The following SQSTM1 variants were observed in gnomAD, a reference collection of about 807,000 sequenced individuals.
SQSTM1 encodes the protein sequestosome 1.
Under a neutral mutation model 45.1 loss-of-function variants are expected in SQSTM1, and 36 were observed. The observed-to-expected ratio is 0.80, with a 90% CI of 0.61 to 1.05. The LOEUF is 1.05. Among genes scored for constraint, SQSTM1 ranks in the 50% least tolerant of loss-of-function variants. The pLI is 0.00. For synonymous variants in SQSTM1, 290 were observed against 244.3 expected (o/e 1.19, Z -1.74); for missense variants, 617 against 607.1 (o/e 1.02, Z -0.17).
At chr5:179,824,590 C>T (rs1391490755) in intron 4 of SQSTM1, among the ~76,000 whole-genome samples, 1 of 152,172 alleles carries the variant, frequency 6.6e-6, no homozygotes, top group African/African-American at 2.4e-5. Context: ...TCAAGGTACC[C>T]TGAGGTGCAG....
At chr5:179,823,704 C>G (rs1757877225) in intron 2 of SQSTM1, 154 bp from the exon 3 acceptor site, 2 of 772,604 alleles carry the variant, frequency 2.6e-6, no homozygotes, top group Non-Finnish European at 4.2e-6. Flanking sequence ...CTTGGTGGCT[C>G]TGCTGCCCTC....
At chr5:179,811,280 T>A (rs1331198350) in intron 1 of SQSTM1, among the ~76,000 whole-genome samples, 1 of 147,384 alleles carries the variant, frequency 6.8e-6, no homozygotes, top group Non-Finnish European at 1.5e-5. Flanking sequence ...GCCTAAGCAC[T>A]GGAAGAACTG....
chr5:179,828,467 G>A (rs1758091441), intron 5 of SQSTM1, among the ~76,000 whole-genome samples: 2 of 145,634 alleles, frequency 1.4e-5, no homozygotes, highest in African/African-American at 2.6e-5. Context: ...TCTGCCTCCC[G>A]GGTTCAAGCG....
chr5:179,810,063 C>T (rs773008343), intron 1 of SQSTM1, among the ~76,000 whole-genome samples: 39 of 152,118 alleles, frequency 2.6e-4, no homozygotes, highest in Admixed American at 3.9e-4. Flanking sequence ...GGATTACAGG[C>T]GTGAGCCAAC....
rs1202152193 is a variant in SQSTM1 at position 179,825,248 on chromosome 5, G to C, written c.754+22G>C. ...CTGGGTGAGTGCACCTCCTTGCCCA[G>C]TGCTTCCCTAACTCAGCCTGCACTT... On this transcript the variant is annotated intron_variant, in intron 5 of 7. Coordinates refer to ENST00000389805, the MANE Select transcript of SQSTM1 (RefSeq NM_003900.5). 4 of 1,601,716 alleles carry C rather than the reference G, an allele frequency of 2.5e-6. No individual in the cohort carries two copies. The South Asian group carries it at 4.4e-5, about 18-fold the overall frequency.
chr5:179,821,085 G>C lies in SQSTM1; in HGVS notation c.149G>C (p.Arg50Pro). 6.8e-7 allele frequency: 1 copy of C among 1,468,284 alleles called. No homozygotes were observed. The highest frequency in any genetic ancestry group is 9.0e-7 in the Non-Finnish European group (1 of 1,112,534). The allele number at this position is 1,468,284 out of a possible 1,614,324, so 91.0% of individuals were successfully genotyped here. Residue 50 changes from arginine to proline, a missense_variant, in exon 1 of 8, where the codon CGG becomes CCG. Coordinates refer to ENST00000389805, the MANE Select transcript of SQSTM1 (RefSeq NM_003900.5). Reference sequence around the variant, plus strand: ...GGACCCTGCGAGCGGCTGCTGAGCCGGGTGGCCGCCCTGTTCCCCGCGCTG... The same window carrying C: ...GGACCCTGCGAGCGGCTGCTGAGCCCGGTGGCCGCCCTGTTCCCCGCGCTG... ...GPGPCERLLS[R>P]VAALFPALRP...
chr5:179,830,060 G>T (rs557008826), intron 5 of SQSTM1, among the ~76,000 whole-genome samples: 2 of 152,286 alleles, frequency 1.3e-5, no homozygotes, highest in East Asian at 3.9e-4. Context: ...AACGAGCCTG[G>T]ATTGTACCAC....
At chr5:179,816,463 G>A (rs1334032891), upstream of SQSTM1, among the ~76,000 whole-genome samples, 3 of 152,164 alleles carry the variant, frequency 2.0e-5, no homozygotes, top group Admixed American at 1.3e-4. Flanking sequence ...GAAGGTTTTC[G>A]ATGGCAGCAG....
chr5:179,828,353 CT>C (rs71001051), intron 5 of SQSTM1, among the ~76,000 whole-genome samples: 7,441 of 138,130 alleles, frequency 0.054, 237 homozygotes, highest in Middle Eastern at 0.12. Context: ...TTGTTTCAAC[CT>C]TTTTTTTTTC....
chr5:179,820,334 G>A (rs1226289968), upstream of SQSTM1: 2 of 152,444 alleles, frequency 1.3e-5, no homozygotes, highest in East Asian at 3.9e-4. Context: ...GCCAGAGTCG[G>A]GGTCCGTCAC....
At chr5:179,819,511 C>T (rs917232195), upstream of SQSTM1, among the ~76,000 whole-genome samples, 3 of 152,366 alleles carry the variant, frequency 2.0e-5, no homozygotes, top group African/African-American at 4.8e-5. Flanking sequence ...CTGCTCAGAC[C>T]GGGCCATAGC....
At chr5:179,830,984 G>A (rs1758187431) in intron 5 of SQSTM1, among the ~76,000 whole-genome samples, 1 of 152,210 alleles carries the variant, frequency 6.6e-6, no homozygotes, top group Non-Finnish European at 1.5e-5. Flanking sequence ...TTACATGCAT[G>A]AGTCACTGTG....
chr5:179,836,404 C>T (rs772788481), intron 7 of SQSTM1, 32 bp from the exon 8 acceptor site: 46 of 1,614,020 alleles, frequency 2.9e-5, no homozygotes, highest in Non-Finnish European at 3.6e-5. Context: ...GGCTCAGCAC[C>T]ACTCCTCATG....
chr5:179,815,124 A>T (rs1452357941), upstream of SQSTM1, among the ~76,000 whole-genome samples: 2 of 151,770 alleles, frequency 1.3e-5, no homozygotes, highest in Non-Finnish European at 2.9e-5. Flanking sequence ...GCCATCAGGA[A>T]CCCTAGAGCA....
Position 179,836,637 on chromosome 5 carries a change from A to G in SQSTM1, c.*44A>G. 6.2e-7 allele frequency: 1 copy of G among 1,613,598 alleles called. No homozygotes were observed. Among genetic ancestry groups the G allele is most frequent in the Non-Finnish European group, 8.5e-7 (1 of 1,179,704 alleles). On this transcript the variant is annotated 3_prime_UTR_variant, in exon 8 of 8. Transcript: ENST00000389805. ...TCTGCGTGCCCCTCTTCTGTCTCAT[A>G]GTTGTGTTAAGCTTGCGTAGAATTG...
upstream of SQSTM1, among the ~76,000 whole-genome samples, chr5:179,815,274 A>G (rs59939051): frequency 0.15 from 23,134 of 151,934 alleles, 2,082 homozygotes; most frequent in African/African-American, 0.22. Context: ...AAAATTAGCC[A>G]GATATGGTGG....
chr5:179,824,312 C>A lies in SQSTM1; in HGVS notation c.662C>A (p.Thr221Lys), dbSNP rs199663339. The A allele has an allele frequency of 1.9e-6, 3 of 1,613,440 alleles. No individual in the cohort carries two copies. The highest frequency in any genetic ancestry group is 1.1e-5 in the South Asian group (1 of 91,086). Residue 221 changes from threonine to lysine, a missense_variant, in exon 4 of 8, where the codon ACG becomes AAG. By Grantham distance (78) the Thr-to-Lys change is moderately conservative. Coordinates refer to ENST00000389805, the MANE Select transcript of SQSTM1 (RefSeq NM_003900.5). ...PRAGEARPGP[T>K]AESASGPSED... is the part of the protein sequence containing the mutation. ...GCAGGGGAGGCCCGCCCTGGCCCCACGGCAGAATCAGGTGAGGCTTGTGTT... is the reference window on the plus strand; with the variant it reads ...GCAGGGGAGGCCCGCCCTGGCCCCAAGGCAGAATCAGGTGAGGCTTGTGTT...
chr5:179,820,897 C>A, upstream of SQSTM1: 1 of 1,456,792 alleles, frequency 6.9e-7, no homozygotes, highest in Admixed American at 2.3e-5. Flanking sequence ...GCGGCGGCTG[C>A]GACCGGGACG....
upstream of SQSTM1, among the ~76,000 whole-genome samples, chr5:179,815,005 C>T (rs574269325): frequency 2.5e-4 from 38 of 152,324 alleles, no homozygotes; most frequent in Admixed American, 2.2e-3. Context: ...CCAGAAAGTA[C>T]AATCAACAGG....
Sources: gnomAD v4.1 joint callset for allele counts (sites outside exome capture counted in the v4.1 genomes callset) on GRCh38, gnomAD v4.1.1 for gene constraint, MANE v1.5 for transcripts, NCBI Gene and HGNC (gene_info 2026-07-23, HGNC 2026-07-21) for gene names.